Variants in HMGXB3 observed in about 807,000 individuals in gnomAD.
HMGXB3 encodes the protein HMG-box containing 3.
A neutral mutation model predicts 121.5 loss-of-function variants in HMGXB3; 45 were observed. The observed-to-expected ratio is 0.37, with a 90% CI of 0.29 to 0.47. The LOEUF (loss-of-function observed/expected upper bound fraction) is 0.47, where lower values mean the gene tolerates loss of function less well. HMGXB3 is among the 20% of genes least tolerant of loss of function. The pLI, the probability that HMGXB3 is intolerant of heterozygous loss-of-function variation, is 0.99. For synonymous variants in HMGXB3, 590 were observed against 624.1 expected (o/e 0.95, Z 0.81); for missense variants, 1,376 against 1,602.2 (o/e 0.86, Z 2.41).
In HMGXB3 at chr5:150,030,670, G is replaced by C. The variant is rs955730000; in HGVS notation, c.1735-71G>C. The C allele has an allele frequency of 1.1e-5, 13 of 1,162,380 alleles. No homozygotes were observed. The South Asian group carries it at 1.6e-4, about 14-fold the overall frequency. The allele number at this position is 1,162,380 out of a possible 1,614,324, so 72.0% of individuals were successfully genotyped here. ...CCCCGGGAAAGCATTCCCTCAAGTC[G>C]TTTCAGGACATGGGAGCTCAGGAGT... is the stretch of plus-strand genomic sequence containing the variant. On this transcript the variant is annotated intron_variant, in intron 9 of 19. Coordinates refer to ENST00000502717, the MANE Select transcript of HMGXB3 (RefSeq NM_014983.3).
At chr5:150,030,679 C>A in intron 9 of HMGXB3, 62 bp from the exon 10 acceptor site, 1 of 1,240,592 alleles carries the variant, frequency 8.1e-7, no homozygotes, top group Non-Finnish European at 1.2e-6. Context: ...CGTTTCAGGA[C>A]ATGGGAGCTC....
chr5:150,024,827 T>C (rs529237164), intron 7 of HMGXB3, 147 bp downstream of exon 7: 4 of 672,422 alleles, frequency 5.9e-6, no homozygotes, highest in African/African-American at 3.6e-5. Flanking sequence ...CCTAGAGATA[T>C]ATAAAGATTG....
chr5:150,004,154 G>A (rs1054805382), intron 1 of HMGXB3, among the ~76,000 whole-genome samples: 5 of 151,998 alleles, frequency 3.3e-5, no homozygotes, highest in African/African-American at 7.3e-5. Flanking sequence ...GATTATAGGC[G>A]TGAGTCACTG....
Position 150,050,448 on chromosome 5 carries a change from C to A in HMGXB3, c.3398C>A (p.Thr1133Lys). The part of the protein sequence containing the change: ...GRNQGCFSSP[T>K]EPPVSVSCPE... ...AACCAGGGCTGTTTCTCTAGCCCCA[C>A]AGAGCCACCTGTGGTGAGTCACCTC... The change falls in exon 19 of 20, where the codon ACA (threonine) becomes AAA (lysine). Residue 1133 changes from threonine to lysine, a missense_variant. Thr to Lys is a moderately conservative substitution (Grantham distance 78). Transcript: ENST00000502717. 1 of 1,551,202 alleles carries A rather than the reference C, an allele frequency of 6.4e-7. No homozygotes were observed. The highest frequency in any genetic ancestry group is 8.7e-7 in the Non-Finnish European group (1 of 1,146,548).
rs904082818 is a variant in HMGXB3, at chr5:150,036,000, G to C, written c.1984-636G>C. On this transcript the variant is annotated intron_variant, in intron 11 of 19. Transcript: ENST00000502717. ...TAATATCTTACTTAATCTGTATAATGGCTCTAAGAGATTACTATTTTTATG... is the reference window on the plus strand; with the variant it reads ...TAATATCTTACTTAATCTGTATAATCGCTCTAAGAGATTACTATTTTTATG... Among the ~76,000 whole-genome samples the C allele has an allele frequency of 3.3e-5, 5 of 152,170 alleles. 1 individual carries two copies. The highest frequency in any genetic ancestry group is 2.0e-4 in the Admixed American group (3 of 15,272).
intron 9 of HMGXB3, among the ~76,000 whole-genome samples, chr5:150,029,999 T>C (rs1455900699): frequency 6.6e-6 from 1 of 152,240 alleles, no homozygotes; most frequent in Non-Finnish European, 1.5e-5. Flanking sequence ...TTCCTTTTGA[T>C]TGGTGACATT....
chr5:150,010,065 C>T, intron 3 of HMGXB3, 46 bp from the exon 4 acceptor site: 2 of 1,520,270 alleles, frequency 1.3e-6, no homozygotes, highest in African/African-American at 2.8e-5. Flanking sequence ...GGTCTTAGTC[C>T]ATTTATCTCT....
chr5:150,006,829 C>T (rs1474469405), intron 3 of HMGXB3, among the ~76,000 whole-genome samples, 182 bp downstream of exon 3: 2 of 152,262 alleles, frequency 1.3e-5, no homozygotes, highest in African/African-American at 2.4e-5. Context: ...TTGTCCTCTT[C>T]GGTTGCAGCA....
At chr5:150,051,619 GT>G in intron 19 of HMGXB3, 105 bp from the exon 20 acceptor site, 1 of 891,824 alleles carries the variant, frequency 1.1e-6, no homozygotes, top group Non-Finnish European at 1.7e-6. Flanking sequence ...ACATGGTGAT[GT>G]TAGGATTCAA....
chr5:150,008,861 G>T (rs911887933), intron 3 of HMGXB3, among the ~76,000 whole-genome samples: 1 of 152,126 alleles, frequency 6.6e-6, no homozygotes, highest in East Asian at 1.9e-4. Context: ...TCCAATAAAG[G>T]CTCCATAAAA....
intron 5 of HMGXB3, among the ~76,000 whole-genome samples, chr5:150,016,229 G>C (rs945322292): frequency 3.3e-5 from 5 of 151,632 alleles, no homozygotes; most frequent in African/African-American, 1.2e-4. Context: ...TATAGTCCCA[G>C]CTACTCAGGG....
intron 16 of HMGXB3, among the ~76,000 whole-genome samples, chr5:150,046,277 G>A (rs187675851): frequency 1.1e-3 from 171 of 152,324 alleles, no homozygotes; most frequent in Non-Finnish European, 1.8e-3. Flanking sequence ...AGCTAATGCG[G>A]TTAGAGTGAT....
At chr5:150,046,064 A>T (rs1348889021) in intron 16 of HMGXB3, among the ~76,000 whole-genome samples, 3 of 152,164 alleles carry the variant, frequency 2.0e-5, no homozygotes, top group African/African-American at 7.2e-5. Flanking sequence ...TTTTGCAGCT[A>T]GTTTTATGGA....
intron 5 of HMGXB3, among the ~76,000 whole-genome samples, chr5:150,012,961 C>T (rs1303385912): frequency 1.3e-5 from 2 of 152,220 alleles, no homozygotes; most frequent in African/African-American, 4.8e-5. Flanking sequence ...TACAACTTTG[C>T]TTAACTCACT....
At chr5:150,050,205 G>T in intron 18 of HMGXB3, 47 bp from the exon 19 acceptor site, 2 of 1,468,176 alleles carry the variant, frequency 1.4e-6, no homozygotes, top group South Asian at 2.4e-5. Flanking sequence ...ACTCTCTGCA[G>T]ACTGGCTTCC....
At chr5:150,003,393 C>A (rs1424611133) in intron 1 of HMGXB3, among the ~76,000 whole-genome samples, 1 of 151,954 alleles carries the variant, frequency 6.6e-6, no homozygotes, top group Non-Finnish European at 1.5e-5. Context: ...TCTCTCAAGT[C>A]CCTGCTTGGG....
At chr5:150,015,920 C>T (rs1296946681) in intron 5 of HMGXB3, among the ~76,000 whole-genome samples, 3 of 152,146 alleles carry the variant, frequency 2.0e-5, no homozygotes, top group Non-Finnish European at 4.4e-5. Flanking sequence ...ATGTTATGTA[C>T]ACTTGAAGAG....
intron 1 of HMGXB3, among the ~76,000 whole-genome samples, chr5:150,001,423 AC>A (rs1310294610): frequency 6.6e-6 from 1 of 152,192 alleles, no homozygotes; most frequent in Non-Finnish European, 1.5e-5. Context: ...CCAGAGTCAA[AC>A]TGTGGCCCAT....
chr5:150,044,460 G>A (rs1756710512), intron 15 of HMGXB3, among the ~76,000 whole-genome samples: 1 of 152,206 alleles, frequency 6.6e-6, no homozygotes, highest in African/African-American at 2.4e-5. Context: ...GAGGAGAGGA[G>A]CCTTTATGGG....
Sources: gnomAD v4.1 joint callset for allele counts (sites outside exome capture counted in the v4.1 genomes callset) on GRCh38, gnomAD v4.1.1 for gene constraint, MANE v1.5 for transcripts, NCBI Gene and HGNC (gene_info 2026-07-23, HGNC 2026-07-21) for gene names.